The following GRIN2A variants were observed in gnomAD, a reference collection of about 807,000 sequenced individuals.
GRIN2A encodes glutamate receptor ionotropic, NMDA 2A.
GRIN2A carries 22 observed loss-of-function variants against 113.4 expected under a neutral mutation model. The observed-to-expected ratio is 0.19, with a 90% CI of 0.14 to 0.28. GRIN2A has a LOEUF of 0.28. Among genes scored for constraint, GRIN2A ranks in the 10% least tolerant of loss-of-function variants. GRIN2A has a pLI of 1.00. For missense variants in GRIN2A, 1,502 were observed against 1,887.0 expected (o/e 0.80, Z 3.78); for synonymous variants, 827 against 738.4 (o/e 1.12, Z -1.94).
At chr16:9,776,082 T>G (rs1217446128) in intron 11 of GRIN2A, among the ~76,000 whole-genome samples, 1 of 152,156 alleles carries the variant, frequency 6.6e-6, no homozygotes, top group Non-Finnish European at 1.5e-5. Flanking sequence ...TGGCAAGGAT[T>G]CATTGTAAAC....
intron 2 of GRIN2A, chr16:9,970,720 A>G (rs1032817110): frequency 1.1e-6 from 1 of 941,460 alleles, no homozygotes; most frequent in African/African-American, 1.8e-5. Context: ...GATAAAATAA[A>G]TAAAGCAGGC....
At chr16:10,169,177 A>C (rs1281236174) in intron 2 of GRIN2A, among the ~76,000 whole-genome samples, 1 of 151,996 alleles carries the variant, frequency 6.6e-6, no homozygotes, top group African/African-American at 2.4e-5. Flanking sequence ...TGAAACTCTT[A>C]ATATATTTCA....
At chr16:10,139,599 T>C (rs900871655) in intron 2 of GRIN2A, among the ~76,000 whole-genome samples, 1 of 152,200 alleles carries the variant, frequency 6.6e-6, no homozygotes, top group African/African-American at 2.4e-5. Context: ...GTCCAGTGTT[T>C]CCAGACTTTC....
rs1297846769 is a variant in GRIN2A at position 9,761,176 on chromosome 16, A to G, written c.*1973T>C. On this transcript the variant is annotated 3_prime_UTR_variant, in exon 13 of 13. Transcript: ENST00000330684. ...TGCAACCACTTTTCATTATAGGAAC[A>G]CTGTAGGTCAGGTGTACTTTCCCAA... 2 of 232,174 alleles carry G rather than the reference A, an allele frequency of 8.6e-6. No homozygotes were observed. The highest frequency in any genetic ancestry group is 1.1e-4 in the Admixed American group (2 of 17,734). The allele number at this position is 232,174 out of a possible 1,614,324, so 14.4% of individuals were successfully genotyped here. A position where few individuals can be genotyped will look rare whatever the true frequency, so the allele number is the denominator to read the frequency against.
At chr16:9,930,634 T>C (rs557130449) in intron 3 of GRIN2A, among the ~76,000 whole-genome samples, 44 of 152,310 alleles carry the variant, frequency 2.9e-4, no homozygotes, top group African/African-American at 6.5e-4. Flanking sequence ...ATCTCCCAGA[T>C]AAATATTTGC....
intron 2 of GRIN2A, among the ~76,000 whole-genome samples, chr16:10,104,232 T>C (rs1051819590): frequency 2.0e-5 from 3 of 152,256 alleles, no homozygotes; most frequent in African/African-American, 4.8e-5. Flanking sequence ...TCATCTGTTA[T>C]TGAACCTTTC....
intron 11 of GRIN2A, among the ~76,000 whole-genome samples, chr16:9,772,922 CAAAAAAAAAA>C (rs71400490): frequency 9.5e-6 from 1 of 105,014 alleles, no homozygotes; most frequent in African/African-American, 3.7e-5. Context: ...ACTTCAATTT[CAAAAAAAAAA>C]AAAAAAAAAA....
rs3785187 is a variant in GRIN2A at position 9,850,972 on chromosome 16, G to A, written c.1123-1011C>T. Among the ~76,000 whole-genome samples, 429 of 152,112 alleles carry A rather than the reference G, an allele frequency of 2.8e-3. 9 individuals are homozygous for A. In the East Asian group the frequency reaches 0.056, roughly 20 times the overall value. ...CCATTGCTTGACACCACAGGTCACCGCTTTATTTGTAATACCAACCTCGAG... is the reference window on the plus strand; with the variant it reads ...CCATTGCTTGACACCACAGGTCACCACTTTATTTGTAATACCAACCTCGAG... On this transcript the variant is annotated intron_variant, in intron 4 of 12. Transcript: ENST00000330684.
intron 2 of GRIN2A, among the ~76,000 whole-genome samples, chr16:10,124,827 T>A (rs986452782): frequency 2.6e-5 from 4 of 152,112 alleles, no homozygotes; most frequent in African/African-American, 7.2e-5. Context: ...GTACAGCTAA[T>A]GACATGAGGG....
Position 9,840,729 on chromosome 16 carries a change from G to A in GRIN2A, c.1569C>T (p.Asp523=). The A allele has an allele frequency of 6.2e-7, 1 of 1,607,758 alleles. No individual in the cohort carries two copies. Residue 523 remains aspartate (D), a synonymous_variant, in exon 7 of 13, where the codon GAC becomes GAT. Transcript: ENST00000330684. ...TINEERSEVV[D]FSVPFVETGI... ...CCGTTTCCACAAAGGGCACAGAGAAGTCCACCACTTCAGAACGTTCCTCAT... is the reference window on the plus strand; with the variant it reads ...CCGTTTCCACAAAGGGCACAGAGAAATCCACCACTTCAGAACGTTCCTCAT...
At chr16:9,941,574 G>A (rs912192270) in intron 2 of GRIN2A, among the ~76,000 whole-genome samples, 1 of 152,166 alleles carries the variant, frequency 6.6e-6, no homozygotes, top group African/African-American at 2.4e-5. Flanking sequence ...CCACTATGCT[G>A]ATCCCCATTC....
intron 2 of GRIN2A, among the ~76,000 whole-genome samples, chr16:10,113,282 G>A (rs1481210782): frequency 6.6e-6 from 1 of 152,144 alleles, no homozygotes; most frequent in East Asian, 1.9e-4. Context: ...TCTGCCTCTG[G>A]CTCTTCCCGG....
chr16:9,937,630 T>C (rs2044742159), intron 3 of GRIN2A: 2 of 360,584 alleles, frequency 5.5e-6, no homozygotes, highest in Non-Finnish European at 1.0e-5. Context: ...CTTATCTGGG[T>C]TCAAATCTTT....
rs2048603415 is a variant in GRIN2A at position 10,111,036 on chromosome 16, T to A, written c.414+68962A>T. On this transcript the variant is annotated intron_variant, in intron 2 of 12. Transcript: ENST00000330684. The stretch of plus-strand genomic sequence containing the variant: ...TAGTATATCAGCTCGACCAATTAAG[T>A]GGAGCTAAGAATACTCTTACTTCAG... Among the ~76,000 whole-genome samples the A allele has an allele frequency of 1.3e-5, 2 of 152,214 alleles. 1 individual carries two copies. The highest frequency in any genetic ancestry group is 4.2e-4 in the South Asian group (2 of 4,816).
At chr16:9,963,213 T>C (rs2045478184) in intron 2 of GRIN2A, among the ~76,000 whole-genome samples, 1 of 151,668 alleles carries the variant, frequency 6.6e-6, no homozygotes, top group South Asian at 2.1e-4. Flanking sequence ...GGCACATGTA[T>C]ACATATGTAA....
intron 2 of GRIN2A, among the ~76,000 whole-genome samples, chr16:9,991,842 T>C (rs1196307685): frequency 1.3e-5 from 2 of 151,566 alleles, no homozygotes; most frequent in African/African-American, 2.4e-5. Context: ...TAAGTGGGAG[T>C]TGAACAATGA....
intron 2 of GRIN2A, among the ~76,000 whole-genome samples, chr16:10,083,166 A>C (rs1419198329): frequency 6.6e-6 from 1 of 152,216 alleles, no homozygotes; most frequent in Non-Finnish European, 1.5e-5. Context: ...AGAAACCCCC[A>C]CATTTGTCAT....
chr16:9,817,906 G>A (rs1232081236), intron 10 of GRIN2A, among the ~76,000 whole-genome samples: 2 of 152,188 alleles, frequency 1.3e-5, no homozygotes, highest in Non-Finnish European at 2.9e-5. Flanking sequence ...ATTCTAGGGT[G>A]TTGGGGGAAT....
At chr16:10,155,597 G>A (rs867831448) in intron 2 of GRIN2A, among the ~76,000 whole-genome samples, 2 of 152,180 alleles carry the variant, frequency 1.3e-5, no homozygotes, top group Non-Finnish European at 2.9e-5. Flanking sequence ...CTTTTCCACT[G>A]AAAGAGCTCT....
Sources: allele counts gnomAD v4.1 joint callset (sites outside exome capture counted in the v4.1 genomes callset), GRCh38; gene constraint gnomAD v4.1.1; transcripts MANE v1.5; gene names NCBI Gene and HGNC (gene_info 2026-07-23, HGNC 2026-07-21).